The following NKAIN3 variants were observed in gnomAD, a reference collection of about 807,000 sequenced individuals.
NKAIN3 encodes sodium/potassium transporting ATPase interacting 3.
A neutral mutation model predicts 30.2 loss-of-function variants in NKAIN3; 25 were observed. The observed-to-expected ratio is 0.83, with a 90% CI of 0.60 to 1.16. The LOEUF is 1.16. Among genes scored for constraint, NKAIN3 ranks in the 50% most tolerant of loss-of-function variants. The pLI is 0.00. For missense variants in NKAIN3, 225 were observed against 254.1 expected (o/e 0.89, Z 0.78); for synonymous variants, 91 against 89.6 (o/e 1.02, Z -0.09).
chr8:62,507,132 GTGTT>G (rs1193971877), intron 1 of NKAIN3, among the ~76,000 whole-genome samples: 3 of 152,264 alleles, frequency 2.0e-5, no homozygotes, highest in South Asian at 2.1e-4. Context: ...GTTTTCCAAA[GTGTT>G]TGAGTGGTTA....
chr8:62,942,119 G>A (rs992140991), intron 5 of NKAIN3, among the ~76,000 whole-genome samples: 12 of 150,390 alleles, frequency 8.0e-5, no homozygotes, highest in African/African-American at 2.9e-4. Context: ...TACACCAACA[G>A]CAACAAAGCT....
rs1378984601 is a variant in NKAIN3, at chr8:62,981,563, G to T, written c.*16156G>T. ...CATCCTGTGGTAGGAACTTAGGAGT[G>T]ATAACTCACATTGAGAACTTGTGAT... On this transcript the variant is annotated 3_prime_UTR_variant, in exon 7 of 7. Transcript: ENST00000623646. 6.6e-6 allele frequency: 1 copy of T among 152,056 alleles called. No individual in the cohort carries two copies. The highest frequency in any genetic ancestry group is 1.5e-5 in the Non-Finnish European group (1 of 68,008). The allele number at this position is 152,056 out of a possible 1,614,324, so 9.4% of individuals were successfully genotyped here.
rs370430771 is a variant in NKAIN3 at position 62,958,952 on chromosome 8, G to C, written c.603+4980G>C. On this transcript the variant is annotated intron_variant, in intron 6 of 6. Coordinates refer to ENST00000623646, the MANE Select transcript of NKAIN3 (RefSeq NM_001304533.3). ...CATGAGGATGATGCCTATGACTGCA[G>C]TTAAGAAAGACTTGATGAGAAAAGC... 7.9e-5 allele frequency among the ~76,000 whole-genome samples: 12 copies of C among 152,336 alleles called. No homozygotes were observed. The East Asian group carries it at 1.7e-3, about 22-fold the overall frequency.
intron 1 of NKAIN3, among the ~76,000 whole-genome samples, chr8:62,472,189 T>A (rs78943220): frequency 0.043 from 6,493 of 152,144 alleles, 464 homozygotes; most frequent in African/African-American, 0.15. Flanking sequence ...GGTTACAGAT[T>A]TGATTCAACC....
chr8:62,552,490 A>G (rs1490153551), intron 1 of NKAIN3, among the ~76,000 whole-genome samples: 1 of 152,208 alleles, frequency 6.6e-6, no homozygotes, highest in Non-Finnish European at 1.5e-5. Flanking sequence ...GGATGTCACT[A>G]TTTAATGAGT....
In NKAIN3 at chr8:62,262,664, C is replaced by T. The variant is rs118168769; in HGVS notation, c.54+13537C>T. 3.2e-4 allele frequency among the ~76,000 whole-genome samples: 49 copies of T among 152,202 alleles called. No individual in the cohort carries two copies. In the East Asian group the frequency reaches 8.9e-3, roughly 28 times the overall value. ...GATCCCCTAAGAGTCTTTTCATCTACAAGAGAGCTGTGGTTGGAAATACAC... is the reference window on the plus strand; with the variant it reads ...GATCCCCTAAGAGTCTTTTCATCTATAAGAGAGCTGTGGTTGGAAATACAC... On this transcript the variant is annotated intron_variant, in intron 1 of 6. Coordinates refer to ENST00000623646, the MANE Select transcript of NKAIN3 (RefSeq NM_001304533.3).
Position 62,714,531 on chromosome 8 carries a change from A to G in NKAIN3, c.274-32401A>G, listed in dbSNP as rs79444470. On this transcript the variant is annotated intron_variant, in intron 3 of 6. Transcript: ENST00000623646. The stretch of plus-strand genomic sequence containing the variant: ...TGGGTTGTCCCATTTAATCCTCAAA[A>G]TAGCCCTATACATTATTGTTCTTCA... 9.8e-3 allele frequency among the ~76,000 whole-genome samples: 1,499 copies of G among 152,278 alleles called. 24 individuals are homozygous for G. The highest frequency in any genetic ancestry group is 0.034 in the African/African-American group (1,420 of 41,580).
intron 1 of NKAIN3, among the ~76,000 whole-genome samples, chr8:62,527,887 G>GTGTC (rs1283292917): frequency 1.7e-5 from 2 of 119,324 alleles, no homozygotes; most frequent in African/African-American, 5.9e-5. Flanking sequence ...TTTTTGGTGT[G>GTGTC]TGTGTGTGTG....
chr8:62,688,446 C>T (rs1224323751), intron 3 of NKAIN3, among the ~76,000 whole-genome samples: 1 of 152,060 alleles, frequency 6.6e-6, no homozygotes, highest in African/African-American at 2.4e-5. Flanking sequence ...ATCTGTGCAC[C>T]TTAAAACATC....
chr8:62,858,063 TTTG>T (rs1317431787), intron 4 of NKAIN3, among the ~76,000 whole-genome samples: 5 of 151,816 alleles, frequency 3.3e-5, no homozygotes, highest in Admixed American at 3.3e-4. Flanking sequence ...CTGTGTTTTT[TTTG>T]TTGTTGTTGT....
chr8:62,264,365 CT>C (rs1385068817), intron 1 of NKAIN3, among the ~76,000 whole-genome samples: 1 of 152,160 alleles, frequency 6.6e-6, no homozygotes, highest in Non-Finnish European at 1.5e-5. Context: ...TGTATATTAT[CT>C]TCAGCTCTTC....
chr8:62,939,667 G>GA (rs1271260525), intron 5 of NKAIN3, among the ~76,000 whole-genome samples: 1 of 151,604 alleles, frequency 6.6e-6, no homozygotes, highest in Non-Finnish European at 1.5e-5. Flanking sequence ...CTTCATAAAT[G>GA]AAAAAAAAGA....
chr8:62,856,654 G>A (rs1343047674), intron 4 of NKAIN3: 7 of 768,342 alleles, frequency 9.1e-6, no homozygotes, highest in Admixed American at 5.3e-5. Context: ...CAGATACACA[G>A]CACTTCACTG....
At chr8:62,428,841 G>A (rs1224150526) in intron 1 of NKAIN3, among the ~76,000 whole-genome samples, 1 of 151,568 alleles carries the variant, frequency 6.6e-6, no homozygotes, top group Non-Finnish European at 1.5e-5. Flanking sequence ...ATGAAATCTT[G>A]TTTGTCAACT....
At chr8:62,613,273 G>A (rs1274478120) in intron 3 of NKAIN3, among the ~76,000 whole-genome samples, 1 of 152,050 alleles carries the variant, frequency 6.6e-6, no homozygotes, top group Non-Finnish European at 1.5e-5. Context: ...CATGTTTGAA[G>A]GATGTTTGCA....
At chr8:62,495,998 A>G (rs1277116554) in intron 1 of NKAIN3, among the ~76,000 whole-genome samples, 1 of 152,104 alleles carries the variant, frequency 6.6e-6, no homozygotes, top group African/African-American at 2.4e-5. Context: ...CTAAGCAAGG[A>G]ATTTTGACTA....
intron 1 of NKAIN3, among the ~76,000 whole-genome samples, chr8:62,431,864 G>GAAAAA (rs5891856): frequency 2.2e-5 from 3 of 133,472 alleles, no homozygotes; most frequent in Non-Finnish European, 1.6e-5. Flanking sequence ...TTATAAAAAG[G>GAAAAA]AAAAAAAAAA....
At chr8:62,641,318 A>G (rs1297165661) in intron 3 of NKAIN3, among the ~76,000 whole-genome samples, 1 of 152,206 alleles carries the variant, frequency 6.6e-6, no homozygotes, top group African/African-American at 2.4e-5. Context: ...AAATAAAGAC[A>G]CACTCTATTG....
chr8:62,720,463 A>G (rs1292948754), intron 3 of NKAIN3, among the ~76,000 whole-genome samples: 2 of 152,188 alleles, frequency 1.3e-5, no homozygotes, highest in South Asian at 2.1e-4. Context: ...AAAATTCCCA[A>G]TGGAATTATG....
Sources: gnomAD v4.1 joint callset for allele counts (sites outside exome capture counted in the v4.1 genomes callset) on GRCh38, gnomAD v4.1.1 for gene constraint, MANE v1.5 for transcripts, NCBI Gene and HGNC (gene_info 2026-07-23, HGNC 2026-07-21) for gene names.